PICALM: variants seen among roughly 807,000 people sequenced by gnomAD.
The protein encoded by PICALM is phosphatidylinositol binding clathrin assembly protein.
In PICALM, 40 loss-of-function variants were observed where a neutral mutation model predicts 80.5. The observed-to-expected ratio is 0.50, with a 90% CI of 0.39 to 0.65. The LOEUF is 0.65. Among genes scored for constraint, PICALM ranks in the 30% least tolerant of loss-of-function variants. PICALM has a pLI of 0.00. For synonymous variants in PICALM, 288 were observed against 260.3 expected (o/e 1.11, Z -1.02); for missense variants, 676 against 778.9 (o/e 0.87, Z 1.57).
In PICALM at chr11:85,985,917, A is replaced by G. The variant is rs77135828; in HGVS notation, c.1409-1944T>C. Among the ~76,000 whole-genome samples the G allele has an allele frequency of 4.9e-4, 74 of 152,324 alleles. No individual in the cohort carries two copies. The East Asian group carries it at 0.013, about 27-fold the overall frequency. ...CTCAGCCTTCTAGAATATGATTGAT[A>G]TAAGAGATAAGCCTATCCTTTATAG... On this transcript the variant is annotated intron_variant, in intron 13 of 19. Transcript: ENST00000393346.
At chr11:86,005,948 G>GA (rs2095267119) in intron 8 of PICALM, among the ~76,000 whole-genome samples, 1 of 152,110 alleles carries the variant, frequency 6.6e-6, no homozygotes, top group Non-Finnish European at 1.5e-5. Flanking sequence ...AGGAAAAGAG[G>GA]AACGGAGGTT....
At chr11:86,059,793 C>T (rs928959276) in intron 1 of PICALM, among the ~76,000 whole-genome samples, 1 of 151,588 alleles carries the variant, frequency 6.6e-6, no homozygotes, top group Admixed American at 6.6e-5. Flanking sequence ...CAAAGGCTAA[C>T]GGTTTGGTAG....
At chr11:85,961,969 T>C (rs74689879) in intron 19 of PICALM, among the ~76,000 whole-genome samples, 1,891 of 152,282 alleles carry the variant, frequency 0.012, 44 homozygotes, top group African/African-American at 0.043. Context: ...TTGTTCTGGA[T>C]GCCAAGATCA....
intron 2 of PICALM, among the ~76,000 whole-genome samples, chr11:86,030,613 C>T (rs538013107): frequency 2.0e-4 from 30 of 152,248 alleles, no homozygotes; most frequent in Non-Finnish European, 3.1e-4. Flanking sequence ...TAGGCTATCA[C>T]GGAAAGTAAG....
intron 19 of PICALM, among the ~76,000 whole-genome samples, chr11:85,964,373 T>C (rs564925091): frequency 6.6e-6 from 1 of 152,132 alleles, no homozygotes; most frequent in Non-Finnish European, 1.5e-5. Flanking sequence ...AAGAGAAAAA[T>C]GGATTGTACT....
chr11:85,991,491 C>CA (rs1168528101), intron 12 of PICALM, among the ~76,000 whole-genome samples: 1 of 150,406 alleles, frequency 6.6e-6, no homozygotes, highest in Non-Finnish European at 1.5e-5. Context: ...CCTTTAAAGT[C>CA]AAAAAATTCA....
intron 3 of PICALM, 119 bp downstream of exon 3, chr11:86,026,173 C>A: frequency 1.6e-6 from 1 of 617,436 alleles, no homozygotes; most frequent in East Asian, 2.8e-5. Context: ...TTCCTACAAC[C>A]TTCACTAAAA....
intron 11 of PICALM, among the ~76,000 whole-genome samples, chr11:86,000,206 C>CT (rs1157578398): frequency 1.3e-5 from 2 of 152,286 alleles, no homozygotes; most frequent in African/African-American, 4.8e-5. Context: ...CAACTAAACT[C>CT]TGTCACTGTG....
intron 12 of PICALM, among the ~76,000 whole-genome samples, chr11:85,991,384 T>C (rs1450937499): frequency 6.6e-6 from 1 of 152,316 alleles, no homozygotes; most frequent in Non-Finnish European, 1.5e-5. Flanking sequence ...TTCATAGTAC[T>C]AGGTACTGTA....
At chr11:85,980,190 T>C (rs752514149) in intron 17 of PICALM, among the ~76,000 whole-genome samples, 9 of 152,160 alleles carry the variant, frequency 5.9e-5, no homozygotes, top group Non-Finnish European at 1.3e-4. Context: ...CCAGCTGAGA[T>C]GGAACAAAGG....
rs146021331 is a variant in PICALM at position 86,033,052 on chromosome 11, T to C, written c.131-1441A>G. Reference sequence around the variant, plus strand: ...ACAAAGCTTTCACAATTCAGACTATTTGCAACAAAAATGAAACAGTAAATC... The same window carrying C: ...ACAAAGCTTTCACAATTCAGACTATCTGCAACAAAAATGAAACAGTAAATC... On this transcript the variant is annotated intron_variant, in intron 1 of 19. Transcript: ENST00000393346. 7.9e-3 allele frequency among the ~76,000 whole-genome samples: 1,209 copies of C among 152,290 alleles called. 12 individuals are homozygous for C. Among genetic ancestry groups the C allele is most frequent in the Non-Finnish European group, 0.013 (901 of 68,024 alleles).
chr11:85,973,733 CA>C (rs1489785153), intron 19 of PICALM, among the ~76,000 whole-genome samples: 1 of 152,026 alleles, frequency 6.6e-6, no homozygotes, highest in Non-Finnish European at 1.5e-5. Flanking sequence ...TATGCTTTGG[CA>C]AATGTAATAT....
chr11:85,959,096 T>C lies in PICALM; in HGVS notation c.1945-36A>G, dbSNP rs201912706. 21 of 1,444,498 alleles carry C rather than the reference T, an allele frequency of 1.5e-5. No individual in the cohort carries two copies. The East Asian group carries it at 4.3e-4, about 30-fold the overall frequency. The allele number at this position is 1,444,498 out of a possible 1,614,324, so 89.5% of individuals were successfully genotyped here. ...AAAGTGGGTATGTTAATTCATTGTATTGTAGGATGTCTTCTCATAAATAAA... is the reference window on the plus strand; with the variant it reads ...AAAGTGGGTATGTTAATTCATTGTACTGTAGGATGTCTTCTCATAAATAAA... On this transcript the variant is annotated intron_variant, in intron 19 of 19. Transcript: ENST00000393346.
At chr11:85,985,641 T>C (rs1287215244) in intron 13 of PICALM, among the ~76,000 whole-genome samples, 1 of 145,552 alleles carries the variant, frequency 6.9e-6, no homozygotes, top group East Asian at 2.4e-4. Context: ...TTAAGAATTA[T>C]GCCATCAGCT....
At chr11:85,965,244 T>C (rs761411728) in intron 19 of PICALM, among the ~76,000 whole-genome samples, 1 of 152,218 alleles carries the variant, frequency 6.6e-6, no homozygotes, top group Non-Finnish European at 1.5e-5. Flanking sequence ...AAGAAGGCCC[T>C]TGCCAAATCC....
chr11:86,069,629 A>G (rs573483072), upstream of PICALM: 54 of 152,416 alleles, frequency 3.5e-4, no homozygotes, highest in African/African-American at 1.3e-3. Flanking sequence ...CTCCTGGCTT[A>G]AAGGAGAAGG....
intron 3 of PICALM, among the ~76,000 whole-genome samples, chr11:86,024,905 T>C (rs1237357426): frequency 2.0e-5 from 3 of 152,290 alleles, no homozygotes; most frequent in Non-Finnish European, 4.4e-5. Context: ...AGCACAAATC[T>C]CACCTTCTCT....
At position 86,003,693 on chromosome 11, in the gene PICALM, G is replaced by A. The variant is rs143521493; in HGVS notation, c.808-242C>T. 1,299 of 314,684 alleles carry A rather than the reference G, an allele frequency of 4.1e-3. 12 individuals carry two copies. The highest frequency in any genetic ancestry group is 0.015 in the East Asian group (304 of 19,772). 19.5% of individuals were successfully genotyped at this position (314,684 alleles called of 1,614,324 possible). A position where few individuals can be genotyped will look rare whatever the true frequency, so the allele number is the denominator to read the frequency against. ...TAAGAACTGAAAACTATGTAAACAT[G>A]AAACATTTTTTAAAAATCTTGCAAG... On this transcript the variant is annotated intron_variant, in intron 8 of 19. Coordinates refer to ENST00000393346, the MANE Select transcript of PICALM (RefSeq NM_007166.4).
chr11:85,978,147 A>C, intron 17 of PICALM: 1 of 1,445,178 alleles, frequency 6.9e-7, no homozygotes, highest in Non-Finnish European at 9.7e-7. Flanking sequence ...GATTAGAACA[A>C]GTACTTACAC....
Sources: gnomAD v4.1 joint callset for allele counts (sites outside exome capture counted in the v4.1 genomes callset) on GRCh38, gnomAD v4.1.1 for gene constraint, MANE v1.5 for transcripts, NCBI Gene and HGNC (gene_info 2026-07-23, HGNC 2026-07-21) for gene names.